Variants in SSBP2 observed in about 807,000 individuals in gnomAD.
The protein encoded by SSBP2 is single stranded DNA binding protein 2.
A neutral mutation model predicts 61.8 loss-of-function variants in SSBP2; 17 were observed. The ratio of observed to expected loss-of-function variants is 0.28; its 90% confidence interval spans 0.19 to 0.41. The LOEUF (loss-of-function observed/expected upper bound fraction) is 0.41. SSBP2 is among the 10% of genes least tolerant of loss of function. SSBP2 has a pLI of 1.00. For synonymous variants in SSBP2, 139 were observed against 141.3 expected, an observed-to-expected ratio of 0.98 and a Z score of 0.12; for missense variants, 310 against 458.7, an observed-to-expected ratio of 0.68 and a Z score of 2.96.
chr5:81,578,205 A>G (rs183139343), intron 4 of SSBP2, among the ~76,000 whole-genome samples: 260 of 152,132 alleles, frequency 1.7e-3, no homozygotes, highest in African/African-American at 5.8e-3. Context: ...TGGATTAACT[A>G]TCAAGTCAAC....
chr5:81,698,368 G>C (rs1181181536), intron 1 of SSBP2, among the ~76,000 whole-genome samples: 1 of 152,056 alleles, frequency 6.6e-6, no homozygotes, highest in Non-Finnish European at 1.5e-5. Context: ...ATTTATACCA[G>C]TTGCAAAAAA....
At chr5:81,511,739 T>C (rs1430646861) in intron 5 of SSBP2, among the ~76,000 whole-genome samples, 1 of 152,192 alleles carries the variant, frequency 6.6e-6, no homozygotes, top group East Asian at 1.9e-4. Context: ...TATTTCACTG[T>C]ATTATAGTTA....
chr5:81,696,206 C>A (rs1753590540), intron 1 of SSBP2, among the ~76,000 whole-genome samples: 1 of 152,136 alleles, frequency 6.6e-6, no homozygotes, highest in African/African-American at 2.4e-5. Flanking sequence ...CAATACTATT[C>A]CATTTACCCT....
intron 4 of SSBP2, among the ~76,000 whole-genome samples, chr5:81,522,856 T>G (rs973740046): frequency 1.3e-5 from 2 of 152,100 alleles, no homozygotes; most frequent in African/African-American, 4.8e-5. Context: ...ACAAAAATAT[T>G]TTACATGTTA....
chr5:81,552,865 T>C (rs1772313618), intron 4 of SSBP2, among the ~76,000 whole-genome samples: 1 of 152,142 alleles, frequency 6.6e-6, no homozygotes, highest in African/African-American at 2.4e-5. Flanking sequence ...TATAAATTCT[T>C]CTTCATCCAT....
chr5:81,537,529 T>G (rs986019177), intron 4 of SSBP2, among the ~76,000 whole-genome samples: 7 of 152,214 alleles, frequency 4.6e-5, no homozygotes, highest in Admixed American at 4.6e-4. Context: ...TGGTTGTTTT[T>G]GTTATTGTTT....
chr5:81,428,225 A>G (rs2153905065), intron 16 of SSBP2, among the ~76,000 whole-genome samples: 1 of 152,304 alleles, frequency 6.6e-6, no homozygotes, highest in Admixed American at 6.5e-5. Flanking sequence ...CAGACTTTTT[A>G]GATTTTGAGG....
chr5:81,425,050 C>A (rs1206698896), intron 16 of SSBP2, among the ~76,000 whole-genome samples: 1 of 152,152 alleles, frequency 6.6e-6, no homozygotes, highest in African/African-American at 2.4e-5. Flanking sequence ...AAAAATGTAA[C>A]CCTTAAAGAT....
At chr5:81,624,333 T>G (rs1319454508) in intron 3 of SSBP2, among the ~76,000 whole-genome samples, 3 of 152,242 alleles carry the variant, frequency 2.0e-5, no homozygotes, top group Non-Finnish European at 4.4e-5. Context: ...AATTTTATCA[T>G]TTTTAGAAAA....
At chr5:81,533,571 C>T (rs575375385) in intron 4 of SSBP2, among the ~76,000 whole-genome samples, 1 of 152,098 alleles carries the variant, frequency 6.6e-6, no homozygotes, top group East Asian at 1.9e-4. Context: ...TGGAAGTCAC[C>T]ACCCTGACCT....
intron 4 of SSBP2, among the ~76,000 whole-genome samples, chr5:81,532,383 T>A (rs1328698472): frequency 6.6e-6 from 1 of 152,040 alleles, no homozygotes; most frequent in Non-Finnish European, 1.5e-5. Context: ...TGAACTTTGT[T>A]TTCAAGGAAA....
At chr5:81,554,603 C>A (rs1268932842) in intron 4 of SSBP2, among the ~76,000 whole-genome samples, 1 of 151,890 alleles carries the variant, frequency 6.6e-6, no homozygotes, top group Non-Finnish European at 1.5e-5. Context: ...ATTCCTCCTA[C>A]AAATTATATT....
chr5:81,565,599 T>C (rs1307416794), intron 4 of SSBP2, among the ~76,000 whole-genome samples: 2 of 152,158 alleles, frequency 1.3e-5, no homozygotes. Flanking sequence ...ACGGTATACA[T>C]ACTTCCATTA....
intron 1 of SSBP2, among the ~76,000 whole-genome samples, chr5:81,744,100 A>G (rs1259279717): frequency 4.6e-5 from 7 of 152,242 alleles, no homozygotes; most frequent in Non-Finnish European, 1.0e-4. Context: ...TGAGGGGATT[A>G]AATGAGATAA....
chr5:81,742,584 T>C (rs1757102676), intron 1 of SSBP2, among the ~76,000 whole-genome samples: 1 of 152,150 alleles, frequency 6.6e-6, no homozygotes, highest in South Asian at 2.1e-4. Flanking sequence ...GCATTAAACA[T>C]CACACAAATG....
chr5:81,474,716 T>C (rs979425734), intron 6 of SSBP2, among the ~76,000 whole-genome samples, 154 bp from the exon 7 acceptor site: 2 of 152,222 alleles, frequency 1.3e-5, no homozygotes, highest in East Asian at 1.9e-4. Flanking sequence ...TTTATAAGTT[T>C]TGCAGGTTTA....
chr5:81,736,174 ACACACACACACACACT>A (rs763091655), intron 1 of SSBP2, among the ~76,000 whole-genome samples: 274 of 136,008 alleles, frequency 2.0e-3, no homozygotes, highest in Middle Eastern at 3.8e-3. Context: ...ACACACACAC[ACACACACACACACACT>A]CTACGGCACT....
At chr5:81,654,905 G>A (rs1750072479) in intron 1 of SSBP2, among the ~76,000 whole-genome samples, 1 of 152,070 alleles carries the variant, frequency 6.6e-6, no homozygotes, top group Non-Finnish European at 1.5e-5. Flanking sequence ...GGAAGGCTGA[G>A]GCAGGAGGAT....
intron 4 of SSBP2, among the ~76,000 whole-genome samples, chr5:81,554,413 T>C (rs570104893): frequency 4.6e-5 from 7 of 151,228 alleles, no homozygotes; most frequent in Non-Finnish European, 1.0e-4. Flanking sequence ...TGCACAAGTA[T>C]GTACAATTTT....
Sources: allele counts gnomAD v4.1 joint callset (sites outside exome capture counted in the v4.1 genomes callset), GRCh38; gene constraint gnomAD v4.1.1; transcripts MANE v1.5; gene names NCBI Gene and HGNC (gene_info 2026-07-23, HGNC 2026-07-21).